CADM2: variants seen among roughly 807,000 people sequenced by gnomAD.
CADM2 encodes the protein immunoglobulin superfamily member 4D.
In CADM2, 12 loss-of-function variants were observed where a neutral mutation model predicts 49.8. That is an observed-to-expected ratio of 0.24 (90% CI 0.15 to 0.39). The LOEUF (loss-of-function observed/expected upper bound fraction) is 0.39. Ranked by LOEUF, CADM2 falls within the 10% of genes least tolerant of loss-of-function variation. CADM2 has a pLI of 1.00. For synonymous variants in CADM2, 214 were observed against 175.4 expected, an observed-to-expected ratio of 1.22 and a Z score of -1.74; for missense variants, 378 against 492.3, an observed-to-expected ratio of 0.77 and a Z score of 2.20.
At chr3:85,179,388 T>G (rs2040866767) in intron 1 of CADM2, among the ~76,000 whole-genome samples, 1 of 152,082 alleles carries the variant, frequency 6.6e-6, no homozygotes, top group Non-Finnish European at 1.5e-5. Context: ...TGCATGAGAT[T>G]TAATATATGA....
intron 1 of CADM2, among the ~76,000 whole-genome samples, chr3:85,024,626 C>T (rs1872558): frequency 0.046 from 6,990 of 150,338 alleles, 197 homozygotes; most frequent in East Asian, 0.1. Context: ...ACTATGATAT[C>T]GATTTACAGT....
intron 1 of CADM2, among the ~76,000 whole-genome samples, chr3:85,667,627 T>G (rs915024924): frequency 6.6e-6 from 1 of 152,078 alleles, no homozygotes; most frequent in Non-Finnish European, 1.5e-5. Context: ...GATGTCTCTC[T>G]GAATTTTCTC....
chr3:85,850,314 C>CTTTTTT (rs577604958), intron 3 of CADM2, among the ~76,000 whole-genome samples: 3 of 76,064 alleles, frequency 3.9e-5, no homozygotes, highest in Non-Finnish European at 5.0e-5. Flanking sequence ...TGTTGCAATT[C>CTTTTTT]TTTTTTTTTT....
intron 1 of CADM2, among the ~76,000 whole-genome samples, chr3:85,209,499 C>A (rs1248077538): frequency 6.6e-6 from 1 of 152,060 alleles, no homozygotes; most frequent in Admixed American, 6.5e-5. Flanking sequence ...AAGGTTATTT[C>A]TCAAATTTCT....
At chr3:85,752,472 GCACA>G (rs3044028) in intron 2 of CADM2, among the ~76,000 whole-genome samples, 21,881 of 147,818 alleles carry the variant, frequency 0.15, 1,965 homozygotes, top group Non-Finnish European at 0.2. Flanking sequence ...ATGTGTGCGT[GCACA>G]CACACACACA....
At chr3:85,439,454 A>G (rs2037091745) in intron 1 of CADM2, among the ~76,000 whole-genome samples, 1 of 152,044 alleles carries the variant, frequency 6.6e-6, no homozygotes, top group South Asian at 2.1e-4. Context: ...TGCCCGGCCA[A>G]TGACTTGATT....
chr3:85,292,142 G>C (rs1336788374), intron 1 of CADM2, among the ~76,000 whole-genome samples: 1 of 147,898 alleles, frequency 6.8e-6, no homozygotes, highest in East Asian at 2.0e-4. Context: ...TGCAATCCTA[G>C]TCTCTGATAA....
At chr3:85,787,007 A>G (rs900477676) in intron 2 of CADM2, among the ~76,000 whole-genome samples, 4 of 152,188 alleles carry the variant, frequency 2.6e-5, no homozygotes, top group African/African-American at 7.2e-5. Flanking sequence ...AGAAATATAT[A>G]TTTGAAAAAG....
In CADM2 at chr3:85,303,526, T is replaced by A. The variant is rs563866775; in HGVS notation, c.61+343858T>A. On this transcript the variant is annotated intron_variant, in intron 1 of 9. Transcript: ENST00000383699. ...CCCAAAGGACATTTTCAGAAGCTTG[T>A]ACCTACATAAATTGCTTGTGAAAAA... Among the ~76,000 whole-genome samples, 9 of 152,048 alleles carry A rather than the reference T, an allele frequency of 5.9e-5. No homozygotes were observed. In the South Asian group the frequency reaches 1.9e-3, roughly 31 times the overall value.
At chr3:86,058,536 T>G (rs529264838) in intron 8 of CADM2, among the ~76,000 whole-genome samples, 3 of 152,236 alleles carry the variant, frequency 2.0e-5, no homozygotes, top group Non-Finnish European at 2.9e-5. Flanking sequence ...TGTAAACAAT[T>G]TGTAAATCCA....
intron 1 of CADM2, among the ~76,000 whole-genome samples, chr3:85,514,247 A>G (rs535875917): frequency 1.3e-5 from 2 of 152,190 alleles, no homozygotes; most frequent in African/African-American, 2.4e-5. Flanking sequence ...AAGAGTTGTA[A>G]TGAGAATAAT....
At chr3:85,058,916 G>C (rs1293883322) in intron 1 of CADM2, among the ~76,000 whole-genome samples, 1 of 151,334 alleles carries the variant, frequency 6.6e-6, no homozygotes, top group Admixed American at 6.6e-5. Flanking sequence ...GAATTATATA[G>C]TATTCTATAC....
chr3:85,999,093 A>T (rs1436484948), intron 8 of CADM2, among the ~76,000 whole-genome samples: 1 of 152,190 alleles, frequency 6.6e-6, no homozygotes, highest in African/African-American at 2.4e-5. Context: ...CCAAGTGAAG[A>T]TATCTAATTA....
chr3:85,608,116 CA>C, intron 1 of CADM2, among the ~76,000 whole-genome samples: 1 of 152,190 alleles, frequency 6.6e-6, no homozygotes. Flanking sequence ...ATTCTATTTT[CA>C]AACCGTGTGG....
At chr3:85,839,174 G>A (rs1483446771) in intron 3 of CADM2, among the ~76,000 whole-genome samples, 3 of 151,778 alleles carry the variant, frequency 2.0e-5, no homozygotes, top group Non-Finnish European at 4.4e-5. Context: ...TTCACCTGGT[G>A]TCTATAACTC....
At chr3:85,006,441 G>T (rs529408629) in intron 1 of CADM2, among the ~76,000 whole-genome samples, 112 of 152,048 alleles carry the variant, frequency 7.4e-4, no homozygotes, top group Non-Finnish European at 1.4e-3. Flanking sequence ...ATAAATAAAA[G>T]GTTAGAAATA....
chr3:85,605,735 T>G (rs1323483803), intron 1 of CADM2, among the ~76,000 whole-genome samples: 1 of 152,102 alleles, frequency 6.6e-6, no homozygotes, highest in Admixed American at 6.6e-5. Context: ...ATTTGTCTTT[T>G]GACACATCTT....
At chr3:85,977,033 G>A (rs1256658992) in intron 8 of CADM2, among the ~76,000 whole-genome samples, 1 of 151,020 alleles carries the variant, frequency 6.6e-6, no homozygotes, top group Non-Finnish European at 1.5e-5. Context: ...AAAATATATA[G>A]ACTGTCTTTA....
intron 1 of CADM2, among the ~76,000 whole-genome samples, chr3:85,059,112 G>T (rs1057103284): frequency 2.0e-5 from 3 of 151,814 alleles, no homozygotes; most frequent in Admixed American, 2.0e-4. Context: ...GGTGGCAGGT[G>T]CCTGTAGTCC....
Sources: gnomAD v4.1 joint callset for allele counts (sites outside exome capture counted in the v4.1 genomes callset) on GRCh38, gnomAD v4.1.1 for gene constraint, MANE v1.5 for transcripts, NCBI Gene and HGNC (gene_info 2026-07-23, HGNC 2026-07-21) for gene names.